Variants in SLC23A2 observed in about 807,000 individuals in gnomAD.
The protein encoded by SLC23A2 is Na(+)/L-ascorbic acid transporter 2.
Under a neutral mutation model 73.3 loss-of-function variants are expected in SLC23A2, and 36 were observed. The ratio of observed to expected loss-of-function variants is 0.49; its 90% CI spans 0.38 to 0.65. The LOEUF (loss-of-function observed/expected upper bound fraction) is 0.65. Ranked by LOEUF, SLC23A2 falls within the 30% of genes least tolerant of loss-of-function variation. The pLI is 0.00. For missense variants in SLC23A2, 507 were observed against 841.6 expected (o/e 0.60, Z 4.92); for synonymous variants, 343 against 327.3 (o/e 1.05, Z -0.52).
intron 2 of SLC23A2, among the ~76,000 whole-genome samples, chr20:4,955,742 T>C (rs1050464498): frequency 2.0e-5 from 3 of 151,822 alleles, no homozygotes; most frequent in Admixed American, 2.0e-4. Flanking sequence ...TGAACAGAGA[T>C]GGGGCCGCTG....
chr20:4,853,311 C>G lies in SLC23A2; in HGVS notation c.*3661G>C, dbSNP rs1929593676. 1 of 152,678 alleles carries G rather than the reference C, an allele frequency of 6.5e-6. No individual in the cohort carries two copies. The highest frequency in any genetic ancestry group is 2.1e-4 in the South Asian group (1 of 4,830). The allele number at this position is 152,678 out of a possible 1,614,324, so 9.5% of individuals were successfully genotyped here. ...TGCTGCTTCTCTGGCCAGATGGGTT[C>G]TGGAATGAGGCTTCTGCTACTGCTC... On this transcript the variant is annotated 3_prime_UTR_variant, in exon 17 of 17. Transcript: ENST00000338244.
chr20:4,925,643 G>T (rs1430502060), intron 3 of SLC23A2, among the ~76,000 whole-genome samples: 1 of 152,076 alleles, frequency 6.6e-6, no homozygotes, highest in Non-Finnish European at 1.5e-5. Context: ...ACCCACCGCA[G>T]GAATTTCCTA....
intron 16 of SLC23A2, among the ~76,000 whole-genome samples, chr20:4,858,850 T>C (rs1337530140): frequency 6.6e-6 from 1 of 152,176 alleles, no homozygotes; most frequent in African/African-American, 2.4e-5. Context: ...TGCCTTCTGG[T>C]CTTAGTTGGC....
chr20:4,875,546 T>G (rs3787458), intron 9 of SLC23A2, among the ~76,000 whole-genome samples: 73,275 of 151,988 alleles, frequency 0.48, 19,980 homozygotes, highest in African/African-American at 0.76. Flanking sequence ...CTGGGCTGCG[T>G]AAGTCCCTCT....
intron 9 of SLC23A2, among the ~76,000 whole-genome samples, chr20:4,879,526 A>G (rs1930798286): frequency 6.6e-6 from 1 of 151,356 alleles, no homozygotes; most frequent in South Asian, 2.1e-4. Flanking sequence ...CCATAGTTTT[A>G]TCAATAAGAC....
rs745546452 is a variant in SLC23A2, at chr20:4,857,102, T to A, written c.1823A>T (p.Asn608Ile). 6.2e-7 allele frequency: 1 copy of A among 1,614,040 alleles called. No homozygotes were observed. The highest frequency in any genetic ancestry group is 2.2e-5 in the East Asian group (1 of 44,874). Residue 608 changes from asparagine to isoleucine, a missense_variant, in exon 17 of 17, where the codon AAC becomes ATC. Asn to Ile is a moderately radical substitution (Grantham distance 149). Around this residue, in one of 5 missense-constraint regions of SLC23A2, gnomAD observed 168 missense variants for 302.3 expected, o/e 0.56. Coordinates refer to ENST00000338244, the MANE Select transcript of SLC23A2 (RefSeq NM_005116.6). This position sits in a 1 kb window ranked among gnomAD's most constrained non-coding sequence, Gnocchi z 4.0. ...MESYNLPFGM[N>I]IIKKYRCFSY... ...GAAGCATCTGTATTTTTTTATAATG[T>A]TCATGCCAAATGGCAAATTGTACGA...
intron 2 of SLC23A2, among the ~76,000 whole-genome samples, chr20:4,936,323 T>C (rs2086961266): frequency 6.6e-6 from 1 of 152,230 alleles, no homozygotes; most frequent in African/African-American, 2.4e-5. Flanking sequence ...AGTGAAATAC[T>C]GGTAGATTTT....
At chr20:4,889,540 T>A (rs1931240550) in intron 6 of SLC23A2, among the ~76,000 whole-genome samples, 1 of 151,830 alleles carries the variant, frequency 6.6e-6, no homozygotes, top group Non-Finnish European at 1.5e-5. Context: ...CAATAGGCTG[T>A]GGCATGGCTC....
Position 4,872,505 on chromosome 20 carries a change from C to T in SLC23A2, c.1102+1431G>A, listed in dbSNP as rs1253729515. On this transcript the variant is annotated intron_variant, in intron 11 of 16. Transcript: ENST00000338244. The surrounding 1 kb of genome is among the most constrained non-coding windows in gnomAD (Gnocchi z 4.4). ...CTCTCCTGGACAGCCCAGCTTGTGC[C>T]CCTACTGGCGCCCACCTTGGGAGTT... Among the ~76,000 whole-genome samples the T allele has an allele frequency of 6.6e-6, 1 of 152,074 alleles. No individual in the cohort carries two copies. Among genetic ancestry groups the T allele is most frequent in the Non-Finnish European group, 1.5e-5 (1 of 68,010 alleles).
At chr20:4,901,729 G>T (rs1378963376) in intron 5 of SLC23A2, among the ~76,000 whole-genome samples, 1 of 152,164 alleles carries the variant, frequency 6.6e-6, no homozygotes, top group Non-Finnish European at 1.5e-5. Flanking sequence ...TTTAGGTCCT[G>T]GCCAACATGG....
chr20:4,864,456 C>T (rs912618836), intron 13 of SLC23A2, among the ~76,000 whole-genome samples: 13 of 152,178 alleles, frequency 8.5e-5, no homozygotes, highest in African/African-American at 3.1e-4. Flanking sequence ...CTAGCCTGCC[C>T]CACACCACAG....
At chr20:4,887,963 G>C (rs1401189289) in intron 6 of SLC23A2, among the ~76,000 whole-genome samples, 1 of 152,228 alleles carries the variant, frequency 6.6e-6, no homozygotes, top group East Asian at 1.9e-4. Context: ...AAGGTGATGA[G>C]AGTGGCTTTT....
chr20:4,908,474 T>C (rs1290048199), intron 4 of SLC23A2, among the ~76,000 whole-genome samples: 1 of 152,222 alleles, frequency 6.6e-6, no homozygotes, highest in Non-Finnish European at 1.5e-5. Context: ...ACTTTTAAAA[T>C]TAATTAACTT....
chr20:4,999,994 T>C lies in SLC23A2; in HGVS notation c.-282+1412A>G, dbSNP rs1721396995. Reference sequence around the variant, plus strand: ...TCACATGGAACAGGCTGGACACACCTGCTGCCTCCCTTTAACTAGCAGGTG... The same window carrying C: ...TCACATGGAACAGGCTGGACACACCCGCTGCCTCCCTTTAACTAGCAGGTG... On this transcript the variant is annotated intron_variant, in intron 1 of 16. Transcript: ENST00000338244. 2.0e-5 allele frequency among the ~76,000 whole-genome samples: 3 copies of C among 152,290 alleles called. No homozygotes were observed. In the South Asian group the frequency reaches 6.2e-4, roughly 32 times the overall value.
chr20:4,895,183 C>T (rs1931475213), intron 6 of SLC23A2, among the ~76,000 whole-genome samples: 1 of 152,258 alleles, frequency 6.6e-6, no homozygotes. Context: ...AAAAACTTTT[C>T]CTTCTGCTGC....
chr20:4,891,451 C>G (rs574938229), intron 6 of SLC23A2, among the ~76,000 whole-genome samples: 1 of 152,090 alleles, frequency 6.6e-6, no homozygotes, highest in Non-Finnish European at 1.5e-5. Flanking sequence ...TTGGCTGAGG[C>G]AAGAGGGTCT....
intron 6 of SLC23A2, among the ~76,000 whole-genome samples, chr20:4,890,757 G>C (rs1018454658): frequency 1.1e-4 from 17 of 152,162 alleles, no homozygotes; most frequent in African/African-American, 4.1e-4. Flanking sequence ...TCGACCTGCT[G>C]AACTTTTGGA....
Position 4,883,920 on chromosome 20 carries a change from A to G in SLC23A2, c.643-97T>C, listed in dbSNP as rs563320614. 89 of 894,626 alleles carry G rather than the reference A, an allele frequency of 9.9e-5. 1 individual carries two copies. Among genetic ancestry groups the G allele is most frequent in the African/African-American group, 7.5e-4 (44 of 58,396 alleles). The allele number at this position is 894,626 out of a possible 1,614,324, so 55.4% of individuals were successfully genotyped here. A position where few individuals can be genotyped will look rare whatever the true frequency, so the allele number is the denominator to read the frequency against. ...CCACAACTGATAATTCTGCAAGGCA[A>G]TAAGTTATTACATCATCTAACTTGG... On this transcript the variant is annotated intron_variant, in intron 8 of 16. Transcript: ENST00000338244. The surrounding 1 kb of genome is among the most constrained non-coding windows in gnomAD (Gnocchi z 4.5).
At chr20:4,976,418 G>A (rs2087645447) in intron 1 of SLC23A2, among the ~76,000 whole-genome samples, 1 of 152,122 alleles carries the variant, frequency 6.6e-6, no homozygotes, top group Non-Finnish European at 1.5e-5. Flanking sequence ...GCTAACGCCT[G>A]TAATCCCAGC....
Sources: allele counts gnomAD v4.1 joint callset (sites outside exome capture counted in the v4.1 genomes callset), GRCh38; gene constraint gnomAD v4.1.1; regional missense constraint gnomAD v4.1.1; non-coding constraint Gnocchi (gnomAD v3.1); transcripts MANE v1.5; gene names NCBI Gene and HGNC (gene_info 2026-07-23, HGNC 2026-07-21).